Variants in ARHGAP39 observed in about 807,000 individuals in gnomAD.
ARHGAP39 encodes the protein rho GTPase-activating protein 39.
A neutral mutation model predicts 106.9 loss-of-function variants in ARHGAP39; 44 were observed. The ratio of observed to expected loss-of-function variants is 0.41; its 90% CI spans 0.32 to 0.53. The LOEUF (loss-of-function observed/expected upper bound fraction) is 0.53, where lower values mean the gene tolerates loss of function less well. Ranked by LOEUF, ARHGAP39 falls within the 20% of genes least tolerant of loss-of-function variation. The pLI is 0.21. For synonymous variants in ARHGAP39, 768 were observed against 693.2 expected, an observed-to-expected ratio of 1.11 and a Z score of -1.69; for missense variants, 1,496 against 1,577.3, an observed-to-expected ratio of 0.95 and a Z score of 0.87.
chr8:144,642,400 T>C (rs1227842348), intron 1 of ARHGAP39, among the ~76,000 whole-genome samples: 2 of 151,834 alleles, frequency 1.3e-5, no homozygotes, highest in African/African-American at 4.8e-5. Context: ...GGCAGGAGAA[T>C]TGCTTGAGCC....
intron 4 of ARHGAP39, among the ~76,000 whole-genome samples, chr8:144,554,963 C>T (rs900110558): frequency 2.0e-5 from 3 of 152,232 alleles, no homozygotes; most frequent in African/African-American, 7.2e-5. Context: ...CCTACAGAAA[C>T]AGCAGCTGGC....
At chr8:144,608,911 C>G (rs1036151904) in intron 1 of ARHGAP39, among the ~76,000 whole-genome samples, 2 of 152,128 alleles carry the variant, frequency 1.3e-5, no homozygotes, top group Admixed American at 6.5e-5. Context: ...ACAATTTGAT[C>G]TTGTAACCTT....
In ARHGAP39 at chr8:144,670,813, G is replaced by A. The variant is rs1822082960; in HGVS notation, c.-82+14873C>T. Among the ~76,000 whole-genome samples, 1 of 152,170 alleles carries A rather than the reference G, an allele frequency of 6.6e-6. No individual in the cohort carries two copies. The highest frequency in any genetic ancestry group is 6.5e-5 in the Admixed American group (1 of 15,276). ...CCGCAGCTGCCAACTGTGTGTATCTGTTTCCTGCACTAGACTCTGAGCTTC... is the reference window on the plus strand; with the variant it reads ...CCGCAGCTGCCAACTGTGTGTATCTATTTCCTGCACTAGACTCTGAGCTTC... On this transcript the variant is annotated intron_variant, in intron 1 of 11. Transcript: ENST00000377307. This position sits in a 1 kb window ranked among gnomAD's most constrained non-coding sequence, Gnocchi z 4.4.
the ARHGAP39 span, among the ~76,000 whole-genome samples, chr8:144,691,124 C>A: frequency 6.6e-6 from 1 of 152,184 alleles, no homozygotes; most frequent in African/African-American, 2.4e-5. Context: ...CCCCAGGTGA[C>A]CATCCAGTGT....
At position 144,644,911 on chromosome 8, in the gene ARHGAP39, C is replaced by A. The variant is rs1264863686; in HGVS notation, c.-81-39216G>T. The stretch of plus-strand genomic sequence containing the variant: ...AATTTCATCTCATCAGACTCTGCCC[C>A]TAGCAGGTCCTCTGCTCCGTGCTGC... On this transcript the variant is annotated intron_variant, in intron 1 of 11. Transcript: ENST00000377307. This position sits in a 1 kb window ranked among gnomAD's most constrained non-coding sequence, Gnocchi z 4.8. Among the ~76,000 whole-genome samples the A allele has an allele frequency of 6.6e-6, 1 of 152,218 alleles. No individual in the cohort carries two copies. Among genetic ancestry groups the A allele is most frequent in the Non-Finnish European group, 1.5e-5 (1 of 68,036 alleles).
At position 144,539,602 on chromosome 8, in the gene ARHGAP39, G is replaced by A. The variant is rs533676937; in HGVS notation, c.2522-1789C>T. ...TTTTTGTGTACACTTCAAAATATGC[G>A]TTGAAATTCATCTTTTGTTTGCATT... On this transcript the variant is annotated intron_variant, in intron 6 of 11. Transcript: ENST00000377307. Among the ~76,000 whole-genome samples the A allele has an allele frequency of 1.5e-4, 23 of 152,304 alleles. No homozygotes were observed. The South Asian group carries it at 3.3e-3, about 22-fold the overall frequency.
At chr8:144,551,885 T>C (rs529170854) in intron 4 of ARHGAP39, among the ~76,000 whole-genome samples, 41 of 152,340 alleles carry the variant, frequency 2.7e-4, no homozygotes, top group East Asian at 1.2e-3. Context: ...TGGGCCTTCA[T>C]AGCCCCTCTT....
At chr8:144,602,498 A>G (rs1315180528) in intron 2 of ARHGAP39, among the ~76,000 whole-genome samples, 2 of 110,402 alleles carry the variant, frequency 1.8e-5, no homozygotes, top group Non-Finnish European at 3.5e-5. Context: ...GAGCTCATGT[A>G]TCTGTGTACA....
At chr8:144,581,327 G>A (rs1278582140) in intron 2 of ARHGAP39, 50 bp from the exon 3 acceptor site, 4 of 1,494,280 alleles carry the variant, frequency 2.7e-6, no homozygotes, top group Admixed American at 2.1e-5. Flanking sequence ...GCCTGGGCCC[G>A]CGCCTCCCAC....
In ARHGAP39 at chr8:144,644,257, G is replaced by A. The variant is rs1420347375; in HGVS notation, c.-81-38562C>T. On this transcript the variant is annotated intron_variant, in intron 1 of 11. Coordinates refer to ENST00000377307, the MANE Select transcript of ARHGAP39 (RefSeq NM_025251.3). This position sits in a 1 kb window ranked among gnomAD's most constrained non-coding sequence, Gnocchi z 4.8. Reference sequence around the variant, plus strand: ...AGGGATTGGCTCTAAGGCTAAAAGAGCCCTCCAGAAACCCTGGAGAAAGTG... The same window carrying A: ...AGGGATTGGCTCTAAGGCTAAAAGAACCCTCCAGAAACCCTGGAGAAAGTG... 6.6e-6 allele frequency among the ~76,000 whole-genome samples: 1 copy of A among 152,158 alleles called. No individual in the cohort carries two copies. Among genetic ancestry groups the A allele is most frequent in the Non-Finnish European group, 1.5e-5 (1 of 68,034 alleles).
intron 1 of ARHGAP39, among the ~76,000 whole-genome samples, chr8:144,606,763 C>G (rs1027446515): frequency 6.6e-6 from 1 of 152,080 alleles, no homozygotes; most frequent in Admixed American, 6.5e-5. Context: ...GAACCTTGAC[C>G]TCTACCTCAT....
At chr8:144,668,282 A>G (rs1296620428) in intron 1 of ARHGAP39, among the ~76,000 whole-genome samples, 1 of 152,086 alleles carries the variant, frequency 6.6e-6, no homozygotes, top group Non-Finnish European at 1.5e-5. Context: ...TCTCTACAAA[A>G]ATACAAAAAT....
chr8:144,566,863 A>G (rs1420707118), intron 3 of ARHGAP39, among the ~76,000 whole-genome samples: 1 of 119,398 alleles, frequency 8.4e-6, no homozygotes, highest in South Asian at 2.4e-4. Context: ...TCAAAAAAAG[A>G]AAAAAAAAAA....
intron 1 of ARHGAP39, among the ~76,000 whole-genome samples, chr8:144,672,781 G>C (rs1427650412): frequency 6.6e-6 from 1 of 152,164 alleles, no homozygotes; most frequent in Non-Finnish European, 1.5e-5. Context: ...AAATAAGCAG[G>C]ACAAGCATCT....
intron 3 of ARHGAP39, among the ~76,000 whole-genome samples, chr8:144,570,554 C>T (rs746826570): frequency 6.6e-6 from 1 of 152,218 alleles, no homozygotes; most frequent in African/African-American, 2.4e-5. Context: ...AGCAGGAAAA[C>T]GATTCCAAAC....
chr8:144,534,514 T>TGGAG (rs1816875481), intron 7 of ARHGAP39, among the ~76,000 whole-genome samples: 1 of 152,240 alleles, frequency 6.6e-6, no homozygotes, highest in East Asian at 1.9e-4. Context: ...TAGACCCCAC[T>TGGAG]GCTCCCTCCC....
chr8:144,530,986 G>T, intron 10 of ARHGAP39, 115 bp from the exon 11 acceptor site: 1 of 1,338,102 alleles, frequency 7.5e-7, no homozygotes, highest in Non-Finnish European at 1.0e-6. Context: ...TGGGAGGGCC[G>T]GCTCATTCTG....
At chr8:144,602,164 T>C (rs1388145532) in intron 2 of ARHGAP39, among the ~76,000 whole-genome samples, 7 of 107,920 alleles carry the variant, frequency 6.5e-5, no homozygotes, top group Non-Finnish European at 1.1e-4. Context: ...TGTGTGTGCG[T>C]GGAGGCGTGT....
rs1026186727 is a variant in ARHGAP39 at position 144,679,735 on chromosome 8, C to T, written c.-82+5951G>A. ...GTGTCTCACGCCTGTAATCCCAGCACTTTGGGAGGCCAAGGCGGGCGGATC... is the reference window on the plus strand; with the variant it reads ...GTGTCTCACGCCTGTAATCCCAGCATTTTGGGAGGCCAAGGCGGGCGGATC... On this transcript the variant is annotated intron_variant, in intron 1 of 11. Coordinates refer to ENST00000377307, the MANE Select transcript of ARHGAP39 (RefSeq NM_025251.3). This position sits in a 1 kb window ranked among gnomAD's most constrained non-coding sequence, Gnocchi z 4.7. Among the ~76,000 whole-genome samples the T allele has an allele frequency of 2.0e-5, 3 of 152,354 alleles. No homozygotes were observed. Among genetic ancestry groups the T allele is most frequent in the African/African-American group, 7.2e-5 (3 of 41,570 alleles).
Sources: gnomAD v4.1 joint callset for allele counts (sites outside exome capture counted in the v4.1 genomes callset) on GRCh38, gnomAD v4.1.1 for gene constraint, Gnocchi (gnomAD v3.1) non-coding constraint, MANE v1.5 for transcripts, NCBI Gene and HGNC (gene_info 2026-07-23, HGNC 2026-07-21) for gene names.